The following SPATA17 variants were observed in gnomAD, a reference collection of about 807,000 sequenced individuals.
SPATA17 encodes spermatogenesis-associated protein 17.
SPATA17 carries 53 observed loss-of-function variants against 62.2 expected under a neutral mutation model. The observed-to-expected ratio is 0.85, with a 90% CI of 0.68 to 1.07. SPATA17 has a LOEUF of 1.07. SPATA17 is among the 50% of genes least tolerant of loss of function. SPATA17 has a pLI of 0.00. For missense variants in SPATA17, 466 were observed against 425.5 expected, an observed-to-expected ratio of 1.10 and a Z score of -0.84; for synonymous variants, 146 against 146.8, an observed-to-expected ratio of 0.99 and a Z score of 0.04.
intron 9 of SPATA17, among the ~76,000 whole-genome samples, chr1:217,862,408 ATTCAG>A (rs573179291): frequency 7.0e-4 from 107 of 152,268 alleles, no homozygotes; most frequent in Middle Eastern, 3.4e-3. Flanking sequence ...ATTTCCATTC[ATTCAG>A]TTAACAAATA....
chr1:217,686,220 A>C (rs905319408), intron 5 of SPATA17, among the ~76,000 whole-genome samples: 1 of 152,100 alleles, frequency 6.6e-6, no homozygotes, highest in African/African-American at 2.4e-5. Flanking sequence ...TAGTCTTTGG[A>C]AGTTTAAAAT....
chr1:217,792,902 T>C (rs998692780), intron 8 of SPATA17, among the ~76,000 whole-genome samples: 1 of 152,264 alleles, frequency 6.6e-6, no homozygotes, highest in East Asian at 1.9e-4. Context: ...TAGAGGATGA[T>C]GTTCTGACTT....
chr1:217,673,799 G>A (rs1670885059), intron 4 of SPATA17, among the ~76,000 whole-genome samples: 1 of 152,064 alleles, frequency 6.6e-6, no homozygotes, highest in African/African-American at 2.4e-5. Flanking sequence ...TTACTTATGT[G>A]GGGAAAACCC....
chr1:217,686,782 C>T (rs1011842592), intron 5 of SPATA17, among the ~76,000 whole-genome samples: 2 of 152,180 alleles, frequency 1.3e-5, no homozygotes, highest in Non-Finnish European at 2.9e-5. Flanking sequence ...TGCAGTGGCA[C>T]AATCTTGACT....
At chr1:217,843,016 T>G (rs1246819073) in intron 9 of SPATA17, among the ~76,000 whole-genome samples, 2 of 152,102 alleles carry the variant, frequency 1.3e-5, no homozygotes, top group Non-Finnish European at 2.9e-5. Context: ...ATATAACATT[T>G]GGAGATTTCC....
intron 3 of SPATA17, among the ~76,000 whole-genome samples, chr1:217,652,165 A>C (rs1655738148): frequency 6.6e-6 from 1 of 152,220 alleles, no homozygotes; most frequent in South Asian, 2.1e-4. Flanking sequence ...TGTTTCTACT[A>C]TGCTGTGCTC....
At chr1:217,846,983 A>C (rs1675544830) in intron 9 of SPATA17, among the ~76,000 whole-genome samples, 1 of 151,988 alleles carries the variant, frequency 6.6e-6, no homozygotes, top group African/African-American at 2.4e-5. Flanking sequence ...ATTTCTGATA[A>C]ATTCTTATTT....
intron 5 of SPATA17, among the ~76,000 whole-genome samples, chr1:217,714,791 C>T (rs1442347475): frequency 6.6e-6 from 1 of 151,962 alleles, no homozygotes; most frequent in African/African-American, 2.4e-5. Flanking sequence ...AGCCGGAAAA[C>T]GTGTTTCTAA....
chr1:217,854,737 C>G (rs901035554), intron 9 of SPATA17, among the ~76,000 whole-genome samples: 1 of 152,098 alleles, frequency 6.6e-6, no homozygotes, highest in African/African-American at 2.4e-5. Context: ...TTGGGAGGAC[C>G]CTGATGATGT....
chr1:217,770,466 A>C (rs551740362), intron 6 of SPATA17, among the ~76,000 whole-genome samples: 158 of 152,264 alleles, frequency 1.0e-3, no homozygotes, highest in African/African-American at 3.4e-3. Flanking sequence ...GAACATTAGT[A>C]ATTGTGATCT....
intron 5 of SPATA17, among the ~76,000 whole-genome samples, chr1:217,739,816 A>G (rs1672588379): frequency 6.6e-6 from 1 of 152,142 alleles, no homozygotes; most frequent in Admixed American, 6.5e-5. Context: ...ATATCCACAC[A>G]CACTCAAATA....
intron 5 of SPATA17, among the ~76,000 whole-genome samples, chr1:217,734,962 C>A (rs1672480365): frequency 6.6e-6 from 1 of 152,122 alleles, no homozygotes. Flanking sequence ...CTAACCTAGG[C>A]AAAGAGCTGG....
intron 9 of SPATA17, among the ~76,000 whole-genome samples, chr1:217,860,162 G>A (rs1285944504): frequency 1.3e-5 from 2 of 152,104 alleles, no homozygotes; most frequent in Non-Finnish European, 2.9e-5. Context: ...TGACCCATGT[G>A]TTATTTAGAA....
chr1:217,813,201 T>A (rs1674635553), intron 9 of SPATA17, among the ~76,000 whole-genome samples: 1 of 152,234 alleles, frequency 6.6e-6, no homozygotes, highest in Non-Finnish European at 1.5e-5. Context: ...CATCGTTGTC[T>A]GCAGAAACTT....
chr1:217,717,921 C>T (rs1289856381), intron 5 of SPATA17, among the ~76,000 whole-genome samples: 2 of 152,098 alleles, frequency 1.3e-5, no homozygotes, highest in African/African-American at 4.8e-5. Flanking sequence ...TGTAATTTGG[C>T]ATCTTAAAAT....
At chr1:217,775,700 T>TAG (rs1673573197) in intron 7 of SPATA17, among the ~76,000 whole-genome samples, 5 of 151,702 alleles carry the variant, frequency 3.3e-5, no homozygotes, top group African/African-American at 4.8e-5. Context: ...TATATATATA[T>TAG]ATAGAGAGAG....
At chr1:217,721,442 C>T (rs1246819387) in intron 5 of SPATA17, among the ~76,000 whole-genome samples, 1 of 152,154 alleles carries the variant, frequency 6.6e-6, no homozygotes, top group Non-Finnish European at 1.5e-5. Context: ...CTAAGACTTG[C>T]ATTTGATGTA....
chr1:217,753,061 C>T (rs558446674), intron 6 of SPATA17, among the ~76,000 whole-genome samples: 16 of 152,232 alleles, frequency 1.1e-4, no homozygotes, highest in Middle Eastern at 3.4e-3. Context: ...ACCCAACCCA[C>T]GGGGAAGTGT....
intron 5 of SPATA17, among the ~76,000 whole-genome samples, chr1:217,706,872 CT>C (rs34008177): frequency 0.066 from 9,572 of 144,526 alleles, 931 homozygotes; most frequent in African/African-American, 0.22. Context: ...TTCTTTCTTT[CT>C]TTTTTTTTTT....
Sources: gnomAD v4.1 joint callset for allele counts (sites outside exome capture counted in the v4.1 genomes callset) on GRCh38, gnomAD v4.1.1 for gene constraint, MANE v1.5 for transcripts, NCBI Gene and HGNC (gene_info 2026-07-23, HGNC 2026-07-21) for gene names.